CFAP46: variants seen among roughly 807,000 people sequenced by gnomAD.
CFAP46 encodes the protein cilia and flagella associated protein 46, also known as cilia- and flagella-associated protein 46.
Under a neutral mutation model 325.7 loss-of-function variants are expected in CFAP46, and 245 were observed. That is an observed-to-expected ratio of 0.75 (90% CI 0.68 to 0.84). The LOEUF (loss-of-function observed/expected upper bound fraction) is 0.84. CFAP46 is among the 40% of genes least tolerant of loss of function. CFAP46 has a pLI of 0.00. For synonymous variants in CFAP46, 1,523 were observed against 1,495.9 expected (o/e 1.02, Z -0.42); for missense variants, 3,346 against 3,543.0 (o/e 0.94, Z 1.41).
At chr10:132,916,880 C>T (rs1165624431) in intron 16 of CFAP46, among the ~76,000 whole-genome samples, 198 bp from the exon 17 acceptor site, 1 of 152,228 alleles carries the variant, frequency 6.6e-6, no homozygotes, top group East Asian at 1.9e-4. Flanking sequence ...CTCACAGACT[C>T]TCTCCACCCA....
intron 39 of CFAP46, among the ~76,000 whole-genome samples, chr10:132,853,407 T>A (rs1848591668): frequency 6.6e-6 from 1 of 152,268 alleles, no homozygotes; most frequent in South Asian, 2.1e-4. Flanking sequence ...TGATGTATTA[T>A]CCTTTTTATA....
intron 20 of CFAP46, 42 bp from the exon 21 acceptor site, chr10:132,909,286 G>C: frequency 7.2e-7 from 1 of 1,393,038 alleles, no homozygotes; most frequent in Non-Finnish European, 1.0e-6. Flanking sequence ...CCAAGCGTGC[G>C]GGGGGAGTCT....
chr10:132,912,446 T>C (rs1425981217), intron 19 of CFAP46, among the ~76,000 whole-genome samples: 2 of 52,212 alleles, frequency 3.8e-5, no homozygotes, highest in African/African-American at 6.3e-5. Context: ...TCTCCTCTCC[T>C]CTCTCTCTCT....
At chr10:132,897,775 G>A (rs1302504195) in intron 24 of CFAP46, among the ~76,000 whole-genome samples, 4 of 152,258 alleles carry the variant, frequency 2.6e-5, no homozygotes, top group African/African-American at 9.6e-5. Flanking sequence ...GCCAGCCGAG[G>A]AGGGTCCCTT....
intron 9 of CFAP46, 172 bp downstream of exon 9, chr10:132,929,533 A>T (rs1174546075): frequency 2.5e-6 from 2 of 790,902 alleles, no homozygotes; most frequent in Admixed American, 1.7e-5. Flanking sequence ...TGCAAACACC[A>T]TCTAACTGCA....
rs916256941 is a variant in CFAP46, at chr10:132,910,019, G to A, written c.2549C>T (p.Thr850Met). Residue 850 changes from threonine (T) to methionine (M), a missense_variant, in exon 20 of 58, where the codon ACG becomes ATG. Coordinates refer to ENST00000368586, the MANE Select transcript of CFAP46 (RefSeq NM_001200049.3). ...CTGCTGCCGGGTGCCGGTGGGCACC[G>A]TCTCCTCGGGCGCACTCCCATTGGT... ...NLTNGSAPEE[T>M]VPTGTRQQLI... The A allele has an allele frequency of 1.8e-5, 27 of 1,540,436 alleles. No individual in the cohort carries two copies. Among genetic ancestry groups the A allele is most frequent in the Middle Eastern group, 3.4e-4 (2 of 5,944 alleles).
chr10:132,917,201 G>A (rs1187356342), intron 16 of CFAP46, among the ~76,000 whole-genome samples: 1 of 152,244 alleles, frequency 6.6e-6, no homozygotes, highest in African/African-American at 2.4e-5. Context: ...CCTGGCACCT[G>A]GGAGCCACTC....
Position 132,857,620 on chromosome 10 carries a change from G to A in CFAP46, c.5544C>T (p.His1848=). ...GAMAEEEGRL[H]SVQGLLSLQD... The stretch of plus-strand genomic sequence containing the variant: ...GAAGTGACAATAGGCCCTGGACGCT[G>A]TGAAGCCTCCCTTCTTCCTCAGCCA... Residue 1848 remains histidine (H), a synonymous_variant, in exon 39 of 58, where the codon CAC becomes CAT. Transcript: ENST00000368586. 7.4e-6 allele frequency: 12 copies of A among 1,612,896 alleles called. No homozygotes were observed. Among genetic ancestry groups the A allele is most frequent in the Non-Finnish European group, 1.0e-5 (12 of 1,179,498 alleles).
At position 132,913,054 on chromosome 10, in the gene CFAP46, G is replaced by C. The variant is rs776029756; in HGVS notation, c.2325C>G (p.Gly775=). ...GCACAGCCCACACGCACCCACTGTG[G>C]CCTGTGGCCTTAACGATGCTCAGGA... ...YHLLSIVKAT[G]HSGDPVMLVT... The change falls in exon 18 of 58, where the codon GGC becomes GGG. Residue 775 remains glycine, a synonymous_variant. Transcript: ENST00000368586. The C allele has an allele frequency of 1.4e-5, 21 of 1,549,798 alleles. 1 individual carries two copies. The Admixed American group carries it at 1.8e-4, about 13-fold the overall frequency.
chr10:132,859,322 T>A, intron 37 of CFAP46, 75 bp from the exon 38 acceptor site: 1 of 1,328,064 alleles, frequency 7.5e-7, no homozygotes, highest in Non-Finnish European at 1.0e-6. Context: ...GGGCTGCCGC[T>A]GTTCTCCCCG....
chr10:132,808,951 C>T lies in CFAP46; in HGVS notation c.7665-47G>A, dbSNP rs1483254692. Reference sequence around the variant, plus strand: ...CTATGAACCCCGAGGCCCCGCAGGACGTCCAGCCCGGTGAGGACCAGGGCA... The same window carrying T: ...CTATGAACCCCGAGGCCCCGCAGGATGTCCAGCCCGGTGAGGACCAGGGCA... On this transcript the variant is annotated intron_variant, in intron 57 of 57. Coordinates refer to ENST00000368586, the MANE Select transcript of CFAP46 (RefSeq NM_001200049.3). This position sits in a 1 kb window ranked among gnomAD's most constrained non-coding sequence, Gnocchi z 6.8. 6 of 1,513,282 alleles carry T rather than the reference C, an allele frequency of 4.0e-6. No homozygotes were observed. Among genetic ancestry groups the T allele is most frequent in the Non-Finnish European group, 5.3e-6 (6 of 1,124,512 alleles). 93.7% of individuals were successfully genotyped at this position (1,513,282 alleles called of 1,614,324 possible).
chr10:132,920,454 C>T (rs1188843214), intron 13 of CFAP46, among the ~76,000 whole-genome samples: 3 of 152,216 alleles, frequency 2.0e-5, no homozygotes, highest in African/African-American at 7.2e-5. Flanking sequence ...CCAAGACCCT[C>T]CTGCTGCTCT....
chr10:132,824,089 CTG>C (rs1261110486), intron 50 of CFAP46, among the ~76,000 whole-genome samples: 5 of 110,444 alleles, frequency 4.5e-5, no homozygotes, highest in Admixed American at 2.2e-4. Context: ...GCACTGTGTG[CTG>C]TGTGTGCGGT....
intron 33 of CFAP46, 31 bp from the exon 34 acceptor site, chr10:132,867,538 A>C: frequency 6.5e-7 from 1 of 1,543,316 alleles, no homozygotes; most frequent in Non-Finnish European, 8.7e-7. Context: ...AATACGCAAG[A>C]GCCACATGGC....
intron 24 of CFAP46, among the ~76,000 whole-genome samples, chr10:132,898,172 G>A (rs370540864): frequency 5.9e-5 from 9 of 152,184 alleles, no homozygotes; most frequent in African/African-American, 1.4e-4. Context: ...ACCCCAACCC[G>A]AGAGTCTCAG....
At chr10:132,829,597 G>A (rs901658914) in intron 50 of CFAP46, among the ~76,000 whole-genome samples, 1 of 152,242 alleles carries the variant, frequency 6.6e-6, no homozygotes, top group African/African-American at 2.4e-5. Flanking sequence ...GGCCCTGCCT[G>A]GCTGCTGGCC....
In CFAP46 at chr10:132,869,412, C is replaced by T. The variant is rs570224309; in HGVS notation, c.4512-40G>A. On this transcript the variant is annotated intron_variant, in intron 32 of 57. Coordinates refer to ENST00000368586, the MANE Select transcript of CFAP46 (RefSeq NM_001200049.3). This position sits in a 1 kb window ranked among gnomAD's most constrained non-coding sequence, Gnocchi z 6.2. Reference sequence around the variant, plus strand: ...GCCGAAAGAGTCAGTGTTGCACGGGCGCAGAGGGAGCCAGAAACGAAGCTA... The same window carrying T: ...GCCGAAAGAGTCAGTGTTGCACGGGTGCAGAGGGAGCCAGAAACGAAGCTA... The T allele has an allele frequency of 1.7e-4, 242 of 1,431,862 alleles. No individual in the cohort carries two copies. The highest frequency in any genetic ancestry group is 2.0e-4 in the Non-Finnish European group (216 of 1,073,354). 88.7% of individuals were successfully genotyped at this position (1,431,862 alleles called of 1,614,324 possible). A position where few individuals can be genotyped will look rare whatever the true frequency, so the allele number is the denominator to read the frequency against.
chr10:132,893,625 C>T (rs7081683), intron 24 of CFAP46, among the ~76,000 whole-genome samples: 42,474 of 152,194 alleles, frequency 0.28, 7,297 homozygotes, highest in Admixed American at 0.47. Context: ...TGACAAGGAC[C>T]CCGTCTTTAG....
Position 132,861,581 on chromosome 10 carries a change from C to T in CFAP46, c.4891-599G>A, listed in dbSNP as rs190501026. The stretch of plus-strand genomic sequence containing the variant: ...AGAGCCAGGCCTCCCCATCCGGGGG[C>T]CTGCAGCCAGGGAGCTGGGCAGCCA... On this transcript the variant is annotated intron_variant, in intron 35 of 57. Transcript: ENST00000368586. 3.9e-5 allele frequency among the ~76,000 whole-genome samples: 6 copies of T among 152,306 alleles called. No homozygotes were observed. In the East Asian group the frequency reaches 1.2e-3, roughly 29 times the overall value.
Sources: allele counts gnomAD v4.1 joint callset (sites outside exome capture counted in the v4.1 genomes callset), GRCh38; gene constraint gnomAD v4.1.1; non-coding constraint Gnocchi (gnomAD v3.1); transcripts MANE v1.5; gene names NCBI Gene and HGNC (gene_info 2026-07-23, HGNC 2026-07-21).